MELK: variants seen among roughly 807,000 people sequenced by gnomAD.
MELK encodes the protein maternal embryonic leucine zipper kinase.
A neutral mutation model predicts 85.0 loss-of-function variants in MELK; 81 were observed. The ratio of observed to expected loss-of-function variants is 0.95; its 90% confidence interval spans 0.80 to 1.15. MELK has a LOEUF of 1.15. MELK is among the 50% of genes most tolerant of loss of function. The pLI is 0.00. For missense variants in MELK, 754 were observed against 777.5 expected (o/e 0.97, Z 0.36); for synonymous variants, 252 against 265.0 (o/e 0.95, Z 0.48).
chr9:36,607,442 A>G, intron 7 of MELK, 133 bp from the exon 8 acceptor site: 3 of 676,378 alleles, frequency 4.4e-6, no homozygotes, highest in South Asian at 2.0e-5. Context: ...TAGAATAAGC[A>G]GGTTGAAATG....
At position 36,677,176 on chromosome 9, in the gene MELK, C is replaced by T. The variant is rs997128159; in HGVS notation, c.1795C>T (p.Gln599Ter). Residue 599 changes from glutamine to a stop codon, truncating the protein, a stop_gained, in exon 18 of 18, where the codon CAA (glutamine) becomes TAA (stop). Coordinates refer to ENST00000298048, the MANE Select transcript of MELK (RefSeq NM_014791.4). LOFTEE classifies it high-confidence loss of function. ...FVQKGYTLKCQTQSDFGKVTM... is the reference protein window; with the variant it reads ...FVQKGYTLKC ...TTTTCACAGTTATACACTGAAGTGT[C>T]AAACACAGTCAGATTTTGGGAAAGT... 2 of 1,613,536 alleles carry T rather than the reference C, an allele frequency of 1.2e-6. No individual in the cohort carries two copies. The highest frequency in any genetic ancestry group is 1.3e-5 in the African/African-American group (1 of 74,926).
Position 36,606,177 on chromosome 9 carries a change from G to GTC in MELK, c.568-1384_568-1383dup, listed in dbSNP as rs556188679. 5.5e-3 allele frequency among the ~76,000 whole-genome samples: 817 copies of GTC among 149,834 alleles called. 5 individuals carry two copies. The highest frequency in any genetic ancestry group is 0.023 in the South Asian group (109 of 4,748). On this transcript the variant is annotated intron_variant, in intron 7 of 17. Transcript: ENST00000298048. Reference sequence around the variant, plus strand: ...TTGTGCTGGTAGGCTAATTTCTAGTGTCTCTCTCTCTCTCTATGTATATAT... The same window carrying GTC: ...TTGTGCTGGTAGGCTAATTTCTAGTGTCTCTCTCTCTCTCTCTATGTATATAT...
intron 4 of MELK, among the ~76,000 whole-genome samples, chr9:36,594,348 A>G (rs1363526707): frequency 1.3e-5 from 2 of 152,236 alleles, no homozygotes; most frequent in African/African-American, 4.8e-5. Context: ...ATAAAAATAT[A>G]AAACCCTGGG....
In MELK at chr9:36,677,280, C is replaced by T. The variant is rs1241200727; in HGVS notation, c.1899C>T (p.Gly633=). The T allele has an allele frequency of 3.1e-6, 5 of 1,613,874 alleles. No homozygotes were observed. The highest frequency in any genetic ancestry group is 3.4e-6 in the Non-Finnish European group (4 of 1,179,888). ...VVGIRRQRLK[G]DAWVYKRLVE... is the part of the protein sequence containing the mutation. ...GTATCAGGAGGCAGCGGCTTAAGGG[C>T]GATGCCTGGGTTTACAAAAGATTAG... Residue 633 remains glycine, a synonymous_variant, in exon 18 of 18, where the codon GGC becomes GGT. Transcript: ENST00000298048.
chr9:36,589,511 C>G, intron 3 of MELK, 25 bp from the exon 4 acceptor site: 1 of 1,547,172 alleles, frequency 6.5e-7, no homozygotes, highest in Non-Finnish European at 8.9e-7. Flanking sequence ...GTTTATTGCT[C>G]ATTCCATATG....
intron 13 of MELK, among the ~76,000 whole-genome samples, chr9:36,663,374 C>T (rs1013317201): frequency 2.0e-5 from 3 of 152,112 alleles, no homozygotes; most frequent in Non-Finnish European, 4.4e-5. Flanking sequence ...GCCAGCGCAC[C>T]CAGCCTGCTT....
At position 36,649,000 on chromosome 9, in the gene MELK, G is replaced by A. The variant is rs961887128; in HGVS notation, c.922-2746G>A. On this transcript the variant is annotated intron_variant, in intron 11 of 17. Transcript: ENST00000298048. ...AAAAAACCCCAGATATGCAGGGAGC[G>A]GGAGAAAATGGCTAAAAACTGCTAA... Among the ~76,000 whole-genome samples the A allele has an allele frequency of 5.9e-5, 9 of 152,162 alleles. No homozygotes were observed. In the South Asian group the frequency reaches 8.3e-4, roughly 14 times the overall value.
In MELK at chr9:36,671,064, C is replaced by T; in HGVS notation, c.1572C>T (p.Ala524=). 6 of 1,613,228 alleles carry T rather than the reference C, an allele frequency of 3.7e-6. No homozygotes were observed. Among genetic ancestry groups the T allele is most frequent in the Non-Finnish European group, 5.1e-6 (6 of 1,179,604 alleles). ...HMEETPKRKG[A]KVFGSLERGL... ...AGGAGACTCCAAAAAGAAAGGGAGC[C>T]AAAGTGTTTGGGAGCCTTGAAAGGG... The change falls in exon 16 of 18, where the codon GCC becomes GCT. Residue 524 remains alanine, a synonymous_variant. Transcript: ENST00000298048.
At chr9:36,658,748 C>A (rs1165557839) in intron 13 of MELK, among the ~76,000 whole-genome samples, 2 of 151,944 alleles carry the variant, frequency 1.3e-5, no homozygotes, top group South Asian at 4.1e-4. Flanking sequence ...ATCGCCCAGG[C>A]TGGAGCGCAT....
At chr9:36,609,868 G>C (rs929348847) in intron 8 of MELK, among the ~76,000 whole-genome samples, 3 of 152,172 alleles carry the variant, frequency 2.0e-5, no homozygotes, top group African/African-American at 4.8e-5. Context: ...GTCCACCAGG[G>C]CCTGATCTCT....
rs909004619 is a variant in MELK, at chr9:36,588,528, C to T, written c.145-1008C>T. Among the ~76,000 whole-genome samples, 5 of 151,782 alleles carry T rather than the reference C, an allele frequency of 3.3e-5. No homozygotes were observed. In the South Asian group the frequency reaches 6.3e-4, roughly 19 times the overall value. On this transcript the variant is annotated intron_variant, in intron 3 of 17. Transcript: ENST00000298048. ...CCGAGTAGCTGGGATTACAGCCATG[C>T]GGCACCATGCCTGGCTAATTTTATA...
chr9:36,666,905 GT>G (rs1832425358), intron 14 of MELK, among the ~76,000 whole-genome samples: 1 of 130,978 alleles, frequency 7.6e-6, no homozygotes, highest in Non-Finnish European at 1.7e-5. Flanking sequence ...GTGTGTGTGT[GT>G]GATGGTGTGT....
At chr9:36,651,093 T>C (rs1179142601) in intron 11 of MELK, among the ~76,000 whole-genome samples, 5 of 152,336 alleles carry the variant, frequency 3.3e-5, no homozygotes, top group East Asian at 3.9e-4. Flanking sequence ...ATATACTGAC[T>C]GGTAAATAAC....
At chr9:36,597,163 G>A in intron 5 of MELK, 59 bp from the exon 6 acceptor site, 1 of 1,423,684 alleles carries the variant, frequency 7.0e-7, no homozygotes, top group South Asian at 1.2e-5. Flanking sequence ...AATGGCTAGA[G>A]GTGGGATGTG....
At chr9:36,607,973 T>C (rs1235122877) in intron 8 of MELK, among the ~76,000 whole-genome samples, 13 of 152,214 alleles carry the variant, frequency 8.5e-5, no homozygotes, top group Non-Finnish European at 1.6e-4. Context: ...TACAGTAAGA[T>C]ATTTTGAGAG....
Position 36,583,644 on chromosome 9 carries a change from A to G in MELK, c.76A>G (p.Lys26Glu), listed in dbSNP as rs1587320233. ...TIGTGGFAKV[K>E]LACHILTGEM... ...CTACTTAGGTGGCTTTGCAAAGGTC[A>G]AACTTGCCTGCCATATCCTTACTGG... The change falls in exon 3 of 18, where the codon AAA becomes GAA. Residue 26 changes from lysine (K) to glutamate (E), a missense_variant. Transcript: ENST00000298048. The G allele has an allele frequency of 1.2e-6, 2 of 1,611,698 alleles. No homozygotes were observed.
intron 13 of MELK, among the ~76,000 whole-genome samples, chr9:36,663,293 C>A (rs146546487): frequency 2.0e-4 from 31 of 152,248 alleles, no homozygotes; most frequent in African/African-American, 7.2e-4. Context: ...GTTGGCCAGG[C>A]TGGTCTTGTA....
chr9:36,576,829 GC>G (rs1383300862), intron 1 of MELK, among the ~76,000 whole-genome samples: 1 of 152,136 alleles, frequency 6.6e-6, no homozygotes, highest in Non-Finnish European at 1.5e-5. Flanking sequence ...ATTGTGCCCA[GC>G]CGTTTTTTAC....
chr9:36,622,266 G>A (rs182534003), intron 8 of MELK, among the ~76,000 whole-genome samples: 109 of 152,184 alleles, frequency 7.2e-4, no homozygotes, highest in Middle Eastern at 6.8e-3. Flanking sequence ...GTTCCGAGTC[G>A]CAGTGTAATA....
Sources: gnomAD v4.1 joint callset for allele counts (sites outside exome capture counted in the v4.1 genomes callset) on GRCh38, gnomAD v4.1.1 for gene constraint, MANE v1.5 for transcripts, NCBI Gene and HGNC (gene_info 2026-07-23, HGNC 2026-07-21) for gene names.